Variants in SRGAP1 observed in about 807,000 individuals in gnomAD.
SRGAP1 encodes the protein SLIT-ROBO Rho GTPase activating protein 1.
A neutral mutation model predicts 121.9 loss-of-function variants in SRGAP1; 43 were observed. The observed-to-expected ratio is 0.35, with a 90% CI of 0.28 to 0.46. SRGAP1 has a LOEUF of 0.46. SRGAP1 is among the 20% of genes least tolerant of loss of function. The probability of loss-of-function intolerance (pLI) is 1.00; values close to 1 mark genes in which losing one functional copy is unlikely to be tolerated. For missense variants in SRGAP1, 1,102 were observed against 1,350.9 expected (o/e 0.82, Z 2.89); for synonymous variants, 447 against 485.4 (o/e 0.92, Z 1.04).
intron 8 of SRGAP1, among the ~76,000 whole-genome samples, chr12:64,066,874 G>A (rs1018694476): frequency 6.6e-6 from 1 of 152,182 alleles, no homozygotes; most frequent in African/African-American, 2.4e-5. Flanking sequence ...TGTATGTCTA[G>A]TGACTTCCCT....
intron 1 of SRGAP1, 105 bp from the exon 2 acceptor site, chr12:63,983,842 A>ATATATTTTATTTATATATATTT (rs2033339380): frequency 1.2e-5 from 1 of 80,370 alleles, no homozygotes; most frequent in Non-Finnish European, 2.5e-5. Flanking sequence ...ATATATATAT[A>ATATATTTTATTTATATATATTT]TATATATATA....
intron 1 of SRGAP1, among the ~76,000 whole-genome samples, chr12:63,979,580 C>G (rs1389095787): frequency 6.6e-6 from 1 of 152,018 alleles, no homozygotes; most frequent in African/African-American, 2.4e-5. Flanking sequence ...CCATAGCTTC[C>G]TGTTGCACTT....
chr12:63,945,189 G>T (rs1440272722), intron 1 of SRGAP1, among the ~76,000 whole-genome samples: 1 of 151,430 alleles, frequency 6.6e-6, no homozygotes, highest in South Asian at 2.1e-4. Flanking sequence ...ACTCTTTCTT[G>T]CCATTAATGT....
chr12:64,080,421 ATGTATATAT>A, intron 10 of SRGAP1, 51 bp downstream of exon 10: 17 of 1,324,784 alleles, frequency 1.3e-5, no homozygotes, highest in Non-Finnish European at 1.6e-5. Flanking sequence ...ACATCGTATC[ATGTATATAT>A]TCCAGAAAGA....
chr12:64,103,307 C>T (rs1327096124), intron 15 of SRGAP1, among the ~76,000 whole-genome samples: 1 of 152,164 alleles, frequency 6.6e-6, no homozygotes, highest in Non-Finnish European at 1.5e-5. Flanking sequence ...TTATGCCACG[C>T]CATACTGGCT....
chr12:63,999,181 A>G (rs1343972263), intron 3 of SRGAP1, among the ~76,000 whole-genome samples: 1 of 152,228 alleles, frequency 6.6e-6, no homozygotes, highest in African/African-American at 2.4e-5. Flanking sequence ...GAGAGATTTC[A>G]TGGAGGAAAA....
chr12:64,016,181 T>C (rs1461276968), intron 3 of SRGAP1, among the ~76,000 whole-genome samples: 2 of 152,134 alleles, frequency 1.3e-5, no homozygotes, highest in Non-Finnish European at 2.9e-5. Flanking sequence ...CTCAGTGGCT[T>C]ACATCTATAA....
Position 63,911,231 on chromosome 12 carries a change from G to A in SRGAP1, c.67+66348G>A, listed in dbSNP as rs932445012. Among the ~76,000 whole-genome samples, 17 of 150,752 alleles carry A rather than the reference G, an allele frequency of 1.1e-4. No individual in the cohort carries two copies. The East Asian group carries it at 2.0e-3, about 17-fold the overall frequency. On this transcript the variant is annotated intron_variant, in intron 1 of 21. Transcript: ENST00000355086. Reference sequence around the variant, plus strand: ...GGAGAATGGCGTGAACCCAGGAGGCGGAGCTTGCAGTGAGCCGAGATGGCA... The same window carrying A: ...GGAGAATGGCGTGAACCCAGGAGGCAGAGCTTGCAGTGAGCCGAGATGGCA...
chr12:64,125,488 AT>A (rs899105261), intron 18 of SRGAP1, among the ~76,000 whole-genome samples: 5 of 152,024 alleles, frequency 3.3e-5, no homozygotes, highest in East Asian at 1.9e-4. Context: ...ATTTTACTTG[AT>A]TTTTTCTTAA....
chr12:64,036,339 G>A (rs1030350303), intron 4 of SRGAP1, among the ~76,000 whole-genome samples: 6 of 152,174 alleles, frequency 3.9e-5, no homozygotes, highest in African/African-American at 7.2e-5. Flanking sequence ...AACAATGGGC[G>A]TGGGCTTCCA....
rs961154315 is a variant in SRGAP1, at chr12:64,158,556, G to A, written c.*15884G>A. The A allele has an allele frequency of 1.9e-4, 29 of 152,158 alleles. No homozygotes were observed. The highest frequency in any genetic ancestry group is 6.5e-4 in the African/African-American group (27 of 41,418). 9.4% of individuals were successfully genotyped at this position (152,158 alleles called of 1,614,324 possible). The stretch of plus-strand genomic sequence containing the variant: ...AAGTCTAGTAAATAATTAGGATTAT[G>A]AGGTCAGGAGTTTGAGACCAGCCTG... On this transcript the variant is annotated 3_prime_UTR_variant, in exon 22 of 22. Coordinates refer to ENST00000355086, the MANE Select transcript of SRGAP1 (RefSeq NM_020762.4).
intron 21 of SRGAP1, among the ~76,000 whole-genome samples, chr12:64,128,717 C>T (rs965370905): frequency 7.2e-5 from 11 of 152,150 alleles, no homozygotes; most frequent in African/African-American, 2.4e-4. Context: ...GCACTTTCAA[C>T]TTAGAAAAGA....
chr12:64,155,948 T>C lies in SRGAP1; in HGVS notation c.*13276T>C, dbSNP rs372513069. 6.6e-6 allele frequency: 1 copy of C among 152,378 alleles called. No homozygotes were observed. The highest frequency in any genetic ancestry group is 2.1e-4 in the South Asian group (1 of 4,832). The allele number at this position is 152,378 out of a possible 1,614,324, so 9.4% of individuals were successfully genotyped here. ...CCACGCCTGGCTGAGTTAAATATTT[T>C]CTATGTGCCAAGCACTGTGCTAACT... On this transcript the variant is annotated 3_prime_UTR_variant, in exon 22 of 22. Coordinates refer to ENST00000355086, the MANE Select transcript of SRGAP1 (RefSeq NM_020762.4).
At chr12:64,052,918 A>G (rs927012448) in intron 6 of SRGAP1, among the ~76,000 whole-genome samples, 6 of 152,206 alleles carry the variant, frequency 3.9e-5, no homozygotes, top group Admixed American at 3.3e-4. Flanking sequence ...ACAATCTTGC[A>G]CAGTTGTTAT....
At chr12:63,878,643 T>A (rs1039836025) in intron 1 of SRGAP1, 3 of 152,234 alleles carry the variant, frequency 2.0e-5, no homozygotes, top group Non-Finnish European at 4.4e-5. Context: ...GTAGGGATGA[T>A]AGGGAATGCC....
chr12:64,055,266 G>T (rs2035318701), intron 6 of SRGAP1, among the ~76,000 whole-genome samples: 2 of 140,760 alleles, frequency 1.4e-5, no homozygotes, highest in Admixed American at 7.2e-5. Context: ...GCTTCAAAGA[G>T]AATAAAATAC....
Position 64,005,967 on chromosome 12 carries a change from C to T in SRGAP1, c.427-10983C>T, listed in dbSNP as rs577082362. On this transcript the variant is annotated intron_variant, in intron 3 of 21. Coordinates refer to ENST00000355086, the MANE Select transcript of SRGAP1 (RefSeq NM_020762.4). ...TCACAAAAGCGAGTAAGACACAAAT[C>T]TTCAACTGGTACCCCCATAGGAACT... 4.6e-5 allele frequency among the ~76,000 whole-genome samples: 7 copies of T among 152,210 alleles called. No homozygotes were observed. In the South Asian group the frequency reaches 1.4e-3, roughly 32 times the overall value.
At chr12:64,073,580 A>G (rs1026445569) in intron 8 of SRGAP1, among the ~76,000 whole-genome samples, 1 of 152,228 alleles carries the variant, frequency 6.6e-6, no homozygotes, top group Non-Finnish European at 1.5e-5. Context: ...CACATAACCT[A>G]CACACATTTT....
At chr12:63,979,289 C>T (rs1384822787) in intron 1 of SRGAP1, among the ~76,000 whole-genome samples, 11 of 152,102 alleles carry the variant, frequency 7.2e-5, no homozygotes, top group East Asian at 1.9e-4. Flanking sequence ...CCACCTGCCT[C>T]GGCCTCCCAA....
Sources: allele counts gnomAD v4.1 joint callset (sites outside exome capture counted in the v4.1 genomes callset), GRCh38; gene constraint gnomAD v4.1.1; transcripts MANE v1.5; gene names NCBI Gene and HGNC (gene_info 2026-07-23, HGNC 2026-07-21).